The following NUP153 variants were observed in gnomAD, a reference collection of about 807,000 sequenced individuals.
NUP153 encodes nucleoporin 153, also known as nuclear pore complex protein Nup153.
Under a neutral mutation model 134.6 loss-of-function variants are expected in NUP153, and 27 were observed. The ratio of observed to expected loss-of-function variants is 0.20; its 90% CI spans 0.15 to 0.28. The LOEUF is 0.28. Ranked by LOEUF, NUP153 falls within the 10% of genes least tolerant of loss-of-function variation. NUP153 has a pLI of 1.00. For synonymous variants in NUP153, 640 were observed against 623.5 expected, an observed-to-expected ratio of 1.03 and a Z score of -0.40; for missense variants, 1,821 against 1,731.3, an observed-to-expected ratio of 1.05 and a Z score of -0.92.
At position 17,669,041 on chromosome 6, in the gene NUP153, A is replaced by AC. The variant is rs772341892; in HGVS notation, c.1015-14_1015-13insG. The AC allele has an allele frequency of 1.3e-6, 2 of 1,505,558 alleles. No homozygotes were observed. The highest frequency in any genetic ancestry group is 1.8e-6 in the Non-Finnish European group (2 of 1,127,354). The allele number at this position is 1,505,558 out of a possible 1,614,324, so 93.3% of individuals were successfully genotyped here. On this transcript the variant is annotated splice_polypyrimidine_tract_variant and intron_variant, in intron 7 of 21. Coordinates refer to ENST00000262077, the MANE Select transcript of NUP153 (RefSeq NM_005124.4). ...TCCTATCAAGAGGCTGAAAAAAAAAAAAAACACTATTAGAATAGATGGGGA... is the reference window on the plus strand; with the variant it reads ...TCCTATCAAGAGGCTGAAAAAAAAAACAAAACACTATTAGAATAGATGGGGA...
chr6:17,617,664 G>A (rs919750932), intron 20 of NUP153, among the ~76,000 whole-genome samples: 2 of 151,832 alleles, frequency 1.3e-5, no homozygotes, highest in African/African-American at 4.8e-5. Flanking sequence ...GCAACATGGC[G>A]AGATCCTATC....
intron 12 of NUP153, 71 bp downstream of exon 12, chr6:17,649,092 T>C: frequency 7.5e-7 from 1 of 1,329,156 alleles, no homozygotes; most frequent in Non-Finnish European, 1.0e-6. Flanking sequence ...CTGTTTATAA[T>C]ATAGGGTTTT....
intron 1 of NUP153, among the ~76,000 whole-genome samples, chr6:17,690,131 T>G (rs1769184768): frequency 6.6e-6 from 1 of 150,420 alleles, no homozygotes; most frequent in African/African-American, 2.5e-5. Context: ...GGTAAGTGGA[T>G]CACGAGGTCA....
chr6:17,640,136 C>A, intron 14 of NUP153, 72 bp from the exon 15 acceptor site: 2 of 1,151,044 alleles, frequency 1.7e-6, no homozygotes, highest in Non-Finnish European at 2.4e-6. Flanking sequence ...TTTTAAAAAT[C>A]TTTCAAAACC....
intron 1 of NUP153, among the ~76,000 whole-genome samples, chr6:17,700,621 A>C (rs1322879619): frequency 6.6e-6 from 1 of 152,350 alleles, no homozygotes; most frequent in Non-Finnish European, 1.5e-5. Context: ...CACTCCAGCT[A>C]TCAGATACCA....
At chr6:17,624,204 C>G (rs112595829) in intron 20 of NUP153, among the ~76,000 whole-genome samples, 2,173 of 152,204 alleles carry the variant, frequency 0.014, 62 homozygotes, top group African/African-American at 0.05. Flanking sequence ...AGCACTGGAC[C>G]TGGGGGTAAC....
intron 8 of NUP153, among the ~76,000 whole-genome samples, chr6:17,668,672 ATC>A (rs1310758571): frequency 2.0e-5 from 3 of 151,778 alleles, no homozygotes; most frequent in Non-Finnish European, 2.9e-5. Flanking sequence ...GTGAAACCCT[ATC>A]TCTACTAAAA....
At chr6:17,649,875 A>G (rs575882388) in intron 11 of NUP153, among the ~76,000 whole-genome samples, 2 of 152,354 alleles carry the variant, frequency 1.3e-5, no homozygotes, top group Admixed American at 6.5e-5. Context: ...AGTTTCAGGT[A>G]TGACCTGGGA....
chr6:17,653,650 G>C (rs1402286642), intron 11 of NUP153, among the ~76,000 whole-genome samples: 4 of 152,182 alleles, frequency 2.6e-5, no homozygotes, highest in Non-Finnish European at 1.5e-5. Flanking sequence ...AGGATACATA[G>C]TGAGTAACTA....
At chr6:17,695,739 GTGGCTCACGC>G (rs1769595192) in intron 1 of NUP153, among the ~76,000 whole-genome samples, 1 of 152,194 alleles carries the variant, frequency 6.6e-6, no homozygotes, top group Non-Finnish European at 1.5e-5. Flanking sequence ...GCTGGGCACG[GTGGCTCACGC>G]CTGTAATCCC....
chr6:17,618,560 CTCTTTT>C (rs201712753), intron 20 of NUP153, among the ~76,000 whole-genome samples: 28,941 of 104,910 alleles, frequency 0.28, 3,563 homozygotes, highest in Admixed American at 0.37. Context: ...GTTAAAATCT[CTCTTTT>C]TTTTTTTTTT....
intron 14 of NUP153, among the ~76,000 whole-genome samples, chr6:17,642,786 A>C (rs564242525): frequency 6.6e-6 from 1 of 152,344 alleles, no homozygotes; most frequent in South Asian, 2.1e-4. Context: ...AAACAGCCCA[A>C]ATGTCCATTA....
At chr6:17,685,381 A>G (rs568632447) in intron 2 of NUP153, among the ~76,000 whole-genome samples, 1 of 152,096 alleles carries the variant, frequency 6.6e-6, no homozygotes, top group South Asian at 2.1e-4. Flanking sequence ...CCCCGTCTTT[A>G]CTAAAAATAC....
intron 2 of NUP153, among the ~76,000 whole-genome samples, chr6:17,682,684 T>C (rs529074837): frequency 6.6e-6 from 1 of 152,206 alleles, no homozygotes; most frequent in East Asian, 1.9e-4. Flanking sequence ...TTCGGGAGGC[T>C]GAGGGGTGCA....
intron 14 of NUP153, among the ~76,000 whole-genome samples, chr6:17,640,744 G>C (rs1393001652): frequency 1.3e-5 from 2 of 151,998 alleles, no homozygotes; most frequent in Non-Finnish European, 2.9e-5. Context: ...AGCCTCTCAA[G>C]TAGCCAGGAA....
rs1461595479 is a variant in NUP153, at chr6:17,625,159, G to A, written c.3902-326C>T. On this transcript the variant is annotated intron_variant, in intron 19 of 21. Transcript: ENST00000262077. The surrounding 1 kb of genome is among the most constrained non-coding windows in gnomAD (Gnocchi z 4.7). Reference sequence around the variant, plus strand: ...ATGTGTGCAGAAATTGCCTCATGATGTGCATATATACATTGCATAATAAAG... The same window carrying A: ...ATGTGTGCAGAAATTGCCTCATGATATGCATATATACATTGCATAATAAAG... Among the ~76,000 whole-genome samples, 3 of 152,142 alleles carry A rather than the reference G, an allele frequency of 2.0e-5. No homozygotes were observed. In the East Asian group the frequency reaches 5.8e-4, roughly 29 times the overall value.
At chr6:17,668,914 G>A (rs893138554) in intron 8 of NUP153, 61 bp downstream of exon 8, 8 of 1,120,774 alleles carry the variant, frequency 7.1e-6, no homozygotes, top group Non-Finnish European at 1.0e-5. Context: ...GTATACTTGT[G>A]AACTTTAAAC....
intron 1 of NUP153, among the ~76,000 whole-genome samples, chr6:17,705,413 G>C (rs1003607065): frequency 1.3e-5 from 2 of 152,074 alleles, no homozygotes; most frequent in African/African-American, 4.8e-5. Flanking sequence ...AGTTCATACA[G>C]TGGCTAAACT....
intron 2 of NUP153, among the ~76,000 whole-genome samples, chr6:17,676,617 C>T (rs780595900): frequency 1.3e-5 from 2 of 152,096 alleles, no homozygotes; most frequent in Non-Finnish European, 2.9e-5. Context: ...CCAGACCAGT[C>T]CTTCTACTGT....
Sources: allele counts gnomAD v4.1 joint callset (sites outside exome capture counted in the v4.1 genomes callset), GRCh38; gene constraint gnomAD v4.1.1; non-coding constraint Gnocchi (gnomAD v3.1); transcripts MANE v1.5; gene names NCBI Gene and HGNC (gene_info 2026-07-23, HGNC 2026-07-21).